ODF2: variants seen among roughly 807,000 people sequenced by gnomAD.
ODF2 encodes outer dense fiber protein 2.
ODF2 carries 47 observed loss-of-function variants against 110.2 expected under a neutral mutation model. That is an observed-to-expected ratio of 0.43 (90% CI 0.34 to 0.54). The LOEUF (loss-of-function observed/expected upper bound fraction) is 0.54, where lower values mean the gene tolerates loss of function less well. ODF2 is among the 20% of genes least tolerant of loss of function. The pLI is 0.03. For missense variants in ODF2, 812 were observed against 1,054.5 expected (o/e 0.77, Z 3.19); for synonymous variants, 352 against 397.7 (o/e 0.89, Z 1.37).
At chr9:128,463,237 T>C (rs1484797612) in intron 4 of ODF2, among the ~76,000 whole-genome samples, 2 of 152,158 alleles carry the variant, frequency 1.3e-5, no homozygotes, top group African/African-American at 4.8e-5. Context: ...ATAGCCTGTG[T>C]GACACAGTGA....
intron 14 of ODF2, among the ~76,000 whole-genome samples, chr9:128,488,367 G>T (rs1464533489): frequency 1.3e-5 from 2 of 152,156 alleles, no homozygotes; most frequent in African/African-American, 4.8e-5. Context: ...TGAGGCTGTG[G>T]TGAGCCGAGA....
intron 14 of ODF2, among the ~76,000 whole-genome samples, chr9:128,488,637 C>T (rs1222956622): frequency 6.6e-6 from 1 of 152,184 alleles, no homozygotes; most frequent in Admixed American, 6.5e-5. Context: ...CTCCTGGGGG[C>T]CTGCTGGGCC....
intron 20 of ODF2, 130 bp downstream of exon 20, chr9:128,499,256 T>C (rs1473073842): frequency 8.3e-6 from 9 of 1,081,244 alleles, no homozygotes; most frequent in Non-Finnish European, 1.1e-5. Flanking sequence ...CTCCAATCAC[T>C]TTCTATCCCT....
rs1241041211 is a variant in ODF2, at chr9:128,457,381, A to T, written c.-25A>T. On this transcript the variant is annotated 5_prime_UTR_variant, in exon 2 of 21. Transcript: ENST00000604420. The stretch of plus-strand genomic sequence containing the variant: ...GCAGAGCCTGCTGACCCAATTGCCC[A>T]CCTTTGCGGCTTTGATGCCTAGCCA... 4 of 1,612,412 alleles carry T rather than the reference A, an allele frequency of 2.5e-6. No individual in the cohort carries two copies. In the Admixed American group the frequency reaches 6.7e-5, roughly 27 times the overall value.
intron 4 of ODF2, among the ~76,000 whole-genome samples, chr9:128,465,628 C>G (rs1790887585): frequency 6.6e-6 from 1 of 151,960 alleles, no homozygotes; most frequent in Non-Finnish European, 1.5e-5. Context: ...GTAGGCCCAG[C>G]CATTTGGGAG....
intron 8 of ODF2, among the ~76,000 whole-genome samples, chr9:128,479,206 G>A (rs557781842): frequency 6.6e-6 from 1 of 152,258 alleles, no homozygotes; most frequent in African/African-American, 2.4e-5. Flanking sequence ...CCTTTTCTCT[G>A]GGCTTATGAA....
rs1370476898 is a variant in ODF2 at position 128,460,982 on chromosome 9, T to C, written c.164T>C (p.Val55Ala). Residue 55 changes from valine to alanine, a missense_variant, in exon 4 of 21, where the codon GTG becomes GCG. Transcript: ENST00000604420. ...GGAATGAAAGGGGACACTGTGAATG[T>C]GCGGCGGAGTGTCCGGGTGAAAACC... 1.9e-6 allele frequency: 3 copies of C among 1,614,048 alleles called. No homozygotes were observed. In the South Asian group the frequency reaches 3.3e-5, roughly 18 times the overall value.
intron 2 of ODF2, among the ~76,000 whole-genome samples, chr9:128,457,927 C>CTATATA (rs374567802): frequency 2.9e-4 from 40 of 137,564 alleles, no homozygotes; most frequent in Non-Finnish European, 4.7e-4. Flanking sequence ...CAGTAGAGGT[C>CTATATA]TATATATATA....
chr9:128,471,421 G>A, exon 6 of ODF2: 1 of 1,613,566 alleles, frequency 6.2e-7, no homozygotes, highest in Non-Finnish European at 8.5e-7. Context: ...AGAACACGGT[G>A]TTGAGGCACA....
At chr9:128,475,463 T>G (rs1841061062) in intron 8 of ODF2, among the ~76,000 whole-genome samples, 1 of 152,238 alleles carries the variant, frequency 6.6e-6, no homozygotes, top group Admixed American at 6.5e-5. Context: ...CTAAGATATT[T>G]GTGGTGAAAA....
chr9:128,495,906 G>A, intron 17 of ODF2, 135 bp from the exon 18 acceptor site: 2 of 976,638 alleles, frequency 2.0e-6, no homozygotes, highest in Non-Finnish European at 3.1e-6. Flanking sequence ...TCTCCTCTAG[G>A]TTGTGCGTTG....
At chr9:128,457,473 C>T (rs764966896) in intron 2 of ODF2, 6 of 1,568,494 alleles carry the variant, frequency 3.8e-6, no homozygotes, top group Non-Finnish European at 8.6e-7. Flanking sequence ...CGCCGGAGGG[C>T]AGGGAAAGGT....
intron 4 of ODF2, among the ~76,000 whole-genome samples, chr9:128,463,202 C>T (rs909996178): frequency 1.3e-5 from 2 of 152,164 alleles, no homozygotes; most frequent in African/African-American, 4.8e-5. Context: ...GTTAAGGCTG[C>T]AGTGAGCCAT....
chr9:128,471,388 C>G, exon 6 of ODF2: 1 of 1,613,214 alleles, frequency 6.2e-7, no homozygotes, highest in Non-Finnish European at 8.5e-7. Context: ...AGGTGGCCCA[C>G]GAACTGGCTG....
intron 14 of ODF2, among the ~76,000 whole-genome samples, chr9:128,488,858 T>G (rs1843948153): frequency 6.6e-6 from 1 of 151,710 alleles, no homozygotes; most frequent in Admixed American, 6.6e-5. Context: ...ACAAAAAAAA[T>G]TATCTGGGCA....
rs28372322 is a variant in ODF2 at position 128,468,645 on chromosome 9, C to T, written c.250-538C>T. 4.8e-3 allele frequency among the ~76,000 whole-genome samples: 735 copies of T among 152,166 alleles called. 2 individuals carry two copies. The highest frequency in any genetic ancestry group is 0.014 in the African/African-American group (581 of 41,514). ...TCAAGCGATCCTCCAGCCTTAGCCT[C>T]CTGAATAGCTGAGATTACAGGCATG... On this transcript the variant is annotated intron_variant, in intron 4 of 20. Coordinates refer to ENST00000604420, the Ensembl canonical transcript of ODF2.
intron 14 of ODF2, among the ~76,000 whole-genome samples, chr9:128,488,285 C>T (rs1843803797): frequency 6.6e-6 from 1 of 152,094 alleles, no homozygotes; most frequent in Non-Finnish European, 1.5e-5. Flanking sequence ...AGTAGCCAGG[C>T]GTGGAGGCAT....
At chr9:128,457,349 C>G in exon 2 of ODF2, 1 of 1,611,996 alleles carries the variant, frequency 6.2e-7, no homozygotes, top group Non-Finnish European at 8.5e-7. Flanking sequence ...CCTCTGGGTC[C>G]CCCTGAGCAG....
rs1195726363 is a variant in ODF2, at chr9:128,470,008, A to T, written c.420+655A>T. 4.0e-4 allele frequency among the ~76,000 whole-genome samples: 14 copies of T among 35,014 alleles called. No individual in the cohort carries two copies. In the South Asian group the frequency reaches 7.6e-3, roughly 19 times the overall value. The allele number at this position is 35,014 out of a possible 152,430, so 23.0% of individuals were successfully genotyped here. On this transcript the variant is annotated intron_variant, in intron 5 of 20. Transcript: ENST00000604420. The stretch of plus-strand genomic sequence containing the variant: ...CAAAAAAAAAAAAAAAAAAAAAAAA[A>T]AAAAAAAAAAATATATATATATATA...
Sources: allele counts gnomAD v4.1 joint callset (sites outside exome capture counted in the v4.1 genomes callset), GRCh38; gene constraint gnomAD v4.1.1; transcripts MANE v1.5; gene names NCBI Gene and HGNC (gene_info 2026-07-23, HGNC 2026-07-21).